The following POLR3B variants were observed in gnomAD, a reference collection of about 807,000 sequenced individuals.
POLR3B encodes RNA polymerase III subunit B, also known as DNA-directed RNA polymerase III subunit RPC2.
POLR3B carries 96 observed loss-of-function variants against 147.4 expected under a neutral mutation model. That is an observed-to-expected ratio of 0.65 (90% confidence interval 0.55 to 0.77). The LOEUF (loss-of-function observed/expected upper bound fraction) is 0.77, where lower values mean the gene tolerates loss of function less well. Among genes scored for constraint, POLR3B ranks in the 30% least tolerant of loss-of-function variants. The pLI, the probability that POLR3B is intolerant of heterozygous loss-of-function variation, is 0.00. For missense variants in POLR3B, 1,036 were observed against 1,413.5 expected (o/e 0.73, Z 4.28); for synonymous variants, 461 against 485.9 (o/e 0.95, Z 0.67).
chr12:106,406,112 C>G (rs555185730), intron 11 of POLR3B, 136 bp downstream of exon 11: 1 of 821,918 alleles, frequency 1.2e-6, no homozygotes, highest in East Asian at 2.7e-5. Flanking sequence ...ACTGCCCCAT[C>G]AGAAATAACC....
chr12:106,428,135 C>A (rs146396330), intron 13 of POLR3B, among the ~76,000 whole-genome samples: 14 of 152,246 alleles, frequency 9.2e-5, no homozygotes, highest in African/African-American at 3.1e-4. Flanking sequence ...GAGAACCAGG[C>A]CTTTGTCCCT....
chr12:106,411,563 A>T (rs2037227388), intron 12 of POLR3B, among the ~76,000 whole-genome samples: 1 of 152,240 alleles, frequency 6.6e-6, no homozygotes, highest in African/African-American at 2.4e-5. Context: ...ACAAACATTT[A>T]CTAAACACCT....
intron 23 of POLR3B, among the ~76,000 whole-genome samples, chr12:106,474,358 ATCAG>A (rs2038133197): frequency 9.4e-6 from 1 of 105,824 alleles, no homozygotes; most frequent in Non-Finnish European, 1.9e-5. Flanking sequence ...CGGCTTTGGT[ATCAG>A]AATGATGCTG....
intron 23 of POLR3B, among the ~76,000 whole-genome samples, chr12:106,479,104 C>T (rs556814632): frequency 9.2e-5 from 14 of 152,154 alleles, no homozygotes; most frequent in Admixed American, 5.9e-4. Flanking sequence ...AATTGGACAC[C>T]GTCGCATCCT....
At chr12:106,433,953 T>C in intron 16 of POLR3B, 81 bp downstream of exon 16, 1 of 1,184,502 alleles carries the variant, frequency 8.4e-7, no homozygotes, top group Non-Finnish European at 1.2e-6. Context: ...GTTTTTATTT[T>C]TGAAACTGTT....
chr12:106,383,934 C>T (rs1175363264), intron 9 of POLR3B, among the ~76,000 whole-genome samples: 4 of 150,396 alleles, frequency 2.7e-5, no homozygotes, highest in African/African-American at 4.9e-5. Context: ...GCCGAGATTG[C>T]ACCACTGCAC....
At chr12:106,423,905 A>G (rs932534941) in intron 12 of POLR3B, among the ~76,000 whole-genome samples, 5 of 151,270 alleles carry the variant, frequency 3.3e-5, no homozygotes, top group Admixed American at 2.0e-4. Flanking sequence ...TGCCCAGGCT[A>G]GAGTGCAGTG....
intron 10 of POLR3B, among the ~76,000 whole-genome samples, chr12:106,400,839 A>T (rs1462774791): frequency 2.0e-5 from 3 of 152,224 alleles, no homozygotes; most frequent in African/African-American, 7.2e-5. Context: ...TGTAGAGGGA[A>T]ATTTATAGCA....
At chr12:106,440,705 C>T (rs1233342385) in intron 18 of POLR3B, among the ~76,000 whole-genome samples, 1 of 151,718 alleles carries the variant, frequency 6.6e-6, no homozygotes, top group African/African-American at 2.4e-5. Flanking sequence ...ACTCTTATCT[C>T]TATCCACTCC....
intron 20 of POLR3B, 147 bp downstream of exon 20, chr12:106,454,858 T>C (rs1181596941): frequency 3.1e-6 from 2 of 649,682 alleles, no homozygotes; most frequent in African/African-American, 1.8e-5. Flanking sequence ...GGTTTTGATG[T>C]TGGCTTTCTT....
Position 106,510,067 on chromosome 12 carries a change from T to C in POLR3B, c.*518T>C. On this transcript the variant is annotated 3_prime_UTR_variant, in exon 28 of 28. Coordinates refer to ENST00000228347, the MANE Select transcript of POLR3B (RefSeq NM_018082.6). The stretch of plus-strand genomic sequence containing the variant: ...CACCCAAACTTTGTAATTTTAGTCT[T>C]GGTGAAATATAATGAATTTGTTCCT... 1 of 172,168 alleles carries C rather than the reference T, an allele frequency of 5.8e-6. No individual in the cohort carries two copies. The highest frequency in any genetic ancestry group is 1.3e-5 in the Non-Finnish European group (1 of 79,550). 10.7% of individuals were successfully genotyped at this position (172,168 alleles called of 1,614,324 possible).
At chr12:106,471,941 C>A (rs1185472951) in intron 23 of POLR3B, among the ~76,000 whole-genome samples, 234 of 137,342 alleles carry the variant, frequency 1.7e-3, no homozygotes, top group Admixed American at 2.1e-3. Flanking sequence ...ATACATGTGC[C>A]ATGCTGGTGC....
intron 23 of POLR3B, among the ~76,000 whole-genome samples, chr12:106,494,456 A>T (rs748224580): frequency 1.1e-4 from 16 of 152,126 alleles, no homozygotes; most frequent in Non-Finnish European, 2.1e-4. Flanking sequence ...TCTCCTCACC[A>T]GCCAAAATTA....
chr12:106,454,815 T>G, intron 20 of POLR3B, 104 bp downstream of exon 20: 1 of 722,312 alleles, frequency 1.4e-6, no homozygotes, highest in African/African-American at 1.8e-5. Context: ...TTAAGTTATT[T>G]GAATTTTATG....
intron 4 of POLR3B, among the ~76,000 whole-genome samples, chr12:106,367,371 A>G (rs2136884049): frequency 6.6e-6 from 1 of 152,374 alleles, no homozygotes; most frequent in East Asian, 1.9e-4. Flanking sequence ...CAAAACCAGG[A>G]AGTTAGCACA....
chr12:106,509,463 A>G lies in POLR3B; in HGVS notation c.3316A>G (p.Ile1106Val). ...ATCCTGCCACGTGTCTTCCCTCCGT[A>G]TTCCGTATGCCTGCAAGCTGCTCTT... is the stretch of plus-strand genomic sequence containing the variant. ...KSSCHVSSLR[I>V]PYACKLLFQE... The change falls in exon 28 of 28, where the codon ATT (isoleucine) becomes GTT (valine). Residue 1106 changes from isoleucine to valine, a missense_variant. By Grantham distance (29) the Ile-to-Val change is conservative. Transcript: ENST00000228347. 6.2e-7 allele frequency: 1 copy of G among 1,613,752 alleles called. No individual in the cohort carries two copies. Among genetic ancestry groups the G allele is most frequent in the East Asian group, 2.2e-5 (1 of 44,880 alleles).
In POLR3B at chr12:106,397,919, C is replaced by T. The variant is rs530870738; in HGVS notation, c.846+4766C>T. 5.1e-4 allele frequency among the ~76,000 whole-genome samples: 77 copies of T among 152,320 alleles called. 1 individual carries two copies. Among genetic ancestry groups the T allele is most frequent in the South Asian group, 3.9e-3 (19 of 4,832 alleles). On this transcript the variant is annotated intron_variant, in intron 10 of 27. Transcript: ENST00000228347. ...TCCGGTCTACAGCTACCAGCGTGAA[C>T]GACGCACTAAGACGGGTGATTTCTG... is the stretch of plus-strand genomic sequence containing the variant.
At chr12:106,376,629 C>CTTTT (rs137973753) in intron 7 of POLR3B, among the ~76,000 whole-genome samples, 179 bp downstream of exon 7, 1 of 147,450 alleles carries the variant, frequency 6.8e-6, no homozygotes, top group Non-Finnish European at 1.5e-5. Flanking sequence ...TTCTTTCTTT[C>CTTTT]TTTTTTGAGA....
intron 12 of POLR3B, among the ~76,000 whole-genome samples, chr12:106,417,695 ATGGCCACTACTTAGCAGTTTGGTTTT>A (rs1403307592): frequency 4.6e-5 from 7 of 152,194 alleles, no homozygotes; most frequent in Admixed American, 3.9e-4. Flanking sequence ...TGTTTGGTTA[ATGGCCACTACTTAGCAGTTTGGTTTT>A]TGGCCACCTT....
Sources: allele counts gnomAD v4.1 joint callset (sites outside exome capture counted in the v4.1 genomes callset), GRCh38; gene constraint gnomAD v4.1.1; transcripts MANE v1.5; gene names NCBI Gene and HGNC (gene_info 2026-07-23, HGNC 2026-07-21).